The following SYNJ1 variants were observed in gnomAD, a reference collection of about 807,000 sequenced individuals.
The protein encoded by SYNJ1 is polyphosphatidylinositol phosphatase SYNJ1.
SYNJ1 carries 78 observed loss-of-function variants against 168.2 expected under a neutral mutation model. The ratio of observed to expected loss-of-function variants is 0.46; its 90% CI spans 0.39 to 0.56. SYNJ1 has a LOEUF of 0.56. Ranked by LOEUF, SYNJ1 falls within the 20% of genes least tolerant of loss-of-function variation. The pLI, the probability that SYNJ1 is intolerant of heterozygous loss-of-function variation, is 0.00. For missense variants in SYNJ1, 1,303 were observed against 1,597.6 expected (o/e 0.82, Z 3.14); for synonymous variants, 539 against 548.6 (o/e 0.98, Z 0.24).
intron 2 of SYNJ1, among the ~76,000 whole-genome samples, chr21:32,724,385 G>A (rs2146410817): frequency 6.6e-6 from 1 of 152,194 alleles, no homozygotes; most frequent in African/African-American, 2.4e-5. Context: ...CTACTTGGGA[G>A]GCCGAGGCAG....
At chr21:32,716,908 C>T (rs1245064547) in intron 2 of SYNJ1, among the ~76,000 whole-genome samples, 1 of 150,944 alleles carries the variant, frequency 6.6e-6, no homozygotes, top group Non-Finnish European at 1.5e-5. Context: ...ATTTCTTCTA[C>T]AATGTCTAAT....
chr21:32,719,310 A>G (rs2043133119), intron 2 of SYNJ1, among the ~76,000 whole-genome samples: 1 of 152,244 alleles, frequency 6.6e-6, no homozygotes, highest in South Asian at 2.1e-4. Context: ...TGGATGATAT[A>G]TATTAGTGAA....
chr21:32,673,708 T>C (rs1036829891), intron 13 of SYNJ1, among the ~76,000 whole-genome samples, 177 bp from the exon 14 acceptor site: 5 of 150,274 alleles, frequency 3.3e-5, no homozygotes, highest in African/African-American at 1.2e-4. Context: ...AAGCCTGGTA[T>C]GAGGCAATTA....
At chr21:32,640,804 A>C (rs770043894) in intron 29 of SYNJ1, among the ~76,000 whole-genome samples, 1 of 152,184 alleles carries the variant, frequency 6.6e-6, no homozygotes, top group South Asian at 2.1e-4. Context: ...ACACTGAAAG[A>C]CTCATCAGTG....
intron 12 of SYNJ1, among the ~76,000 whole-genome samples, 179 bp downstream of exon 12, chr21:32,678,466 G>T (rs1033799760): frequency 2.0e-5 from 3 of 152,138 alleles, no homozygotes; most frequent in Admixed American, 2.0e-4. Context: ...ACCACTGATT[G>T]TACAAATATT....
At chr21:32,643,001 C>G (rs1259005625) in intron 27 of SYNJ1, among the ~76,000 whole-genome samples, 1 of 152,124 alleles carries the variant, frequency 6.6e-6, no homozygotes, top group Admixed American at 6.5e-5. Context: ...CTACAAAATA[C>G]TATATTCTTG....
chr21:32,707,885 T>C (rs1022215261), intron 2 of SYNJ1, among the ~76,000 whole-genome samples: 4 of 152,136 alleles, frequency 2.6e-5, no homozygotes, highest in Admixed American at 6.6e-5. Context: ...GGCGTGATGA[T>C]GCATGTCTGT....
chr21:32,680,938 A>T (rs570381481), intron 11 of SYNJ1, among the ~76,000 whole-genome samples: 44 of 152,302 alleles, frequency 2.9e-4, no homozygotes, highest in Middle Eastern at 6.8e-3. Flanking sequence ...CTTCGTTGGC[A>T]CATCTTGATA....
chr21:32,664,796 C>A, intron 18 of SYNJ1, 117 bp downstream of exon 18: 4 of 806,974 alleles, frequency 5.0e-6, no homozygotes, highest in Non-Finnish European at 7.6e-6. Context: ...TGTTTACCTA[C>A]AGATGCATAT....
At chr21:32,726,038 C>T (rs2043437497) in intron 2 of SYNJ1, among the ~76,000 whole-genome samples, 1 of 152,172 alleles carries the variant, frequency 6.6e-6, no homozygotes, top group Non-Finnish European at 1.5e-5. Context: ...AAGGGTTTCA[C>T]CACGCTGCCC....
chr21:32,640,048 T>A (rs554889691), intron 29 of SYNJ1, among the ~76,000 whole-genome samples: 28 of 152,314 alleles, frequency 1.8e-4, no homozygotes, highest in African/African-American at 6.7e-4. Context: ...CCCTCAGAAG[T>A]AGGTATTATT....
At chr21:32,632,533 G>A (rs978473995) in intron 32 of SYNJ1, among the ~76,000 whole-genome samples, 2 of 152,042 alleles carry the variant, frequency 1.3e-5, no homozygotes, top group African/African-American at 4.8e-5. Context: ...CTACAGGCGT[G>A]TGCCACCAGG....
intron 18 of SYNJ1, among the ~76,000 whole-genome samples, chr21:32,662,421 T>A (rs146856847): frequency 4.5e-4 from 69 of 152,276 alleles, no homozygotes; most frequent in African/African-American, 1.7e-3. Flanking sequence ...AAGGAACGTG[T>A]TTATATAATG....
chr21:32,641,001 C>T (rs890871256), intron 29 of SYNJ1, among the ~76,000 whole-genome samples: 12 of 152,102 alleles, frequency 7.9e-5, no homozygotes, highest in African/African-American at 2.9e-4. Context: ...TGGCAAATTT[C>T]CCTTTTTTTG....
intron 10 of SYNJ1, among the ~76,000 whole-genome samples, chr21:32,683,679 A>C (rs2041711996): frequency 6.6e-6 from 1 of 152,074 alleles, no homozygotes; most frequent in South Asian, 2.1e-4. Context: ...TAGATTTTTA[A>C]AAGACAACAC....
At chr21:32,688,417 G>T (rs371891931) in intron 6 of SYNJ1, 50 bp from the exon 7 acceptor site, 1 of 1,487,316 alleles carries the variant, frequency 6.7e-7, no homozygotes, top group Non-Finnish European at 9.3e-7. Context: ...ACATATAGAC[G>T]AAAGAAATAT....
At chr21:32,695,402 ATCAAT>A (rs2042166110) in intron 4 of SYNJ1, 120 bp from the exon 5 acceptor site, 5 of 950,168 alleles carry the variant, frequency 5.3e-6, no homozygotes, top group Non-Finnish European at 7.6e-6. Context: ...CAAACAACAA[ATCAAT>A]TCATTTACAT....
intron 2 of SYNJ1, among the ~76,000 whole-genome samples, chr21:32,725,990 CG>C (rs2043435091): frequency 6.6e-6 from 1 of 152,108 alleles, no homozygotes; most frequent in Admixed American, 6.5e-5. Flanking sequence ...AAAGGGCACA[CG>C]ACGGAGCCGA....
intron 6 of SYNJ1, among the ~76,000 whole-genome samples, chr21:32,691,892 G>T (rs1370564839): frequency 6.6e-6 from 1 of 152,182 alleles, no homozygotes; most frequent in East Asian, 1.9e-4. Context: ...CTTAATTTTG[G>T]AAGTAGAGGA....
Sources: gnomAD v4.1 joint callset for allele counts (sites outside exome capture counted in the v4.1 genomes callset) on GRCh38, gnomAD v4.1.1 for gene constraint, MANE v1.5 for transcripts, NCBI Gene and HGNC (gene_info 2026-07-23, HGNC 2026-07-21) for gene names.